The following WDFY3 variants were observed in gnomAD, a reference collection of about 807,000 sequenced individuals.
WDFY3 encodes WD repeat and FYVE domain-containing protein 3.
In WDFY3, 66 loss-of-function variants were observed where a neutral mutation model predicts 409.6. The observed-to-expected ratio is 0.16, with a 90% CI of 0.13 to 0.20. WDFY3 has a LOEUF of 0.20. Ranked by LOEUF, WDFY3 falls within the 10% of genes least tolerant of loss-of-function variation. WDFY3 has a pLI of 1.00. For missense variants in WDFY3, 3,031 were observed against 4,298.1 expected (o/e 0.71, Z 8.24); for synonymous variants, 1,521 against 1,537.1 (o/e 0.99, Z 0.25).
intron 10 of WDFY3, 145 bp downstream of exon 10, chr4:84,826,670 A>C: frequency 1.5e-6 from 1 of 677,318 alleles, no homozygotes; most frequent in Non-Finnish European, 2.1e-6. Context: ...GAAATACTTA[A>C]ACCATTAAAA....
At chr4:84,875,405 G>T (rs535264145) in intron 3 of WDFY3, among the ~76,000 whole-genome samples, 2 of 152,140 alleles carry the variant, frequency 1.3e-5, no homozygotes, top group Admixed American at 6.6e-5. Flanking sequence ...TGCTCTGGGT[G>T]AGTCAGTGAG....
chr4:84,850,940 T>TTTTTTTTTTTTTTTTTTTTTTG (rs1758893624), intron 4 of WDFY3, among the ~76,000 whole-genome samples: 1 of 65,246 alleles, frequency 1.5e-5, no homozygotes, highest in Non-Finnish European at 3.5e-5. Context: ...TTTTTTTTTT[T>TTTTTTTTTTTTTTTTTTTTTTG]TTTTTTTTTT....
At chr4:84,678,057 C>A in intron 66 of WDFY3, 111 bp downstream of exon 66, 1 of 714,102 alleles carries the variant, frequency 1.4e-6, no homozygotes, top group Non-Finnish European at 2.5e-6. Flanking sequence ...GAGCTACATA[C>A]GATAATACAA....
chr4:84,755,097 C>T (rs1021862419), intron 34 of WDFY3, among the ~76,000 whole-genome samples, 169 bp downstream of exon 34: 2 of 152,174 alleles, frequency 1.3e-5, no homozygotes, highest in Non-Finnish European at 2.9e-5. Context: ...TTAACAACTA[C>T]ACAGTCTGTT....
At chr4:84,827,014 T>C (rs1384036911) in intron 9 of WDFY3, 33 bp from the exon 10 acceptor site, 5 of 1,588,478 alleles carry the variant, frequency 3.1e-6, no homozygotes, top group Non-Finnish European at 4.3e-6. Flanking sequence ...GTATTTTTTT[T>C]CTCTTTGGTT....
At chr4:84,738,219 A>G (rs531615017) in intron 40 of WDFY3, among the ~76,000 whole-genome samples, 1 of 152,282 alleles carries the variant, frequency 6.6e-6, no homozygotes, top group Admixed American at 6.5e-5. Context: ...CTTTATCACT[A>G]AACATGTGGA....
chr4:84,804,437 T>TA (rs552259647), intron 15 of WDFY3, among the ~76,000 whole-genome samples: 32 of 152,084 alleles, frequency 2.1e-4, no homozygotes, highest in Middle Eastern at 3.4e-3. Flanking sequence ...TGCCGTGGTT[T>TA]AAAAAAAATA....
At chr4:84,817,157 G>C (rs1753419574) in intron 13 of WDFY3, among the ~76,000 whole-genome samples, 1 of 152,110 alleles carries the variant, frequency 6.6e-6, no homozygotes, top group Non-Finnish European at 1.5e-5. Context: ...TTTAATTTAA[G>C]AGTTCCAGTA....
intron 8 of WDFY3, among the ~76,000 whole-genome samples, chr4:84,830,789 C>A (rs548175693): frequency 5.3e-5 from 8 of 151,838 alleles, no homozygotes; most frequent in Non-Finnish European, 1.0e-4. Flanking sequence ...AAAAAAACTT[C>A]TTTTTTATTC....
In WDFY3 at chr4:84,772,872, T is replaced by A; in HGVS notation, c.4812A>T (p.Val1604=). The change falls in exon 30 of 68, where the codon GTA becomes GTT. Residue 1604 remains valine, a synonymous_variant. Coordinates refer to ENST00000295888, the MANE Select transcript of WDFY3 (RefSeq NM_014991.6). The part of the protein sequence containing the change: ...LPTFAVCEKF[V]VMEINNEEKL... ...TCTCTTCATTATTTATTTCCATTAC[T>A]ACAAATTTCTCACAAACCGCAAAGG... The A allele has an allele frequency of 1.9e-6, 3 of 1,611,508 alleles. No individual in the cohort carries two copies. The highest frequency in any genetic ancestry group is 2.5e-6 in the Non-Finnish European group (3 of 1,179,020).
rs1487903708 is a variant in WDFY3 at position 84,774,852 on chromosome 4, C to G, written c.4722G>C (p.Leu1574=). Residue 1574 remains leucine (L), a synonymous_variant, in exon 29 of 68, where the codon CTG becomes CTC. Transcript: ENST00000295888. ...AAISNVLSFL[L]QGFPSSNDLL... ...GATCATTGCTGCTAGGAAAACCTTGCAGTAAGAAGCTCAGGACATTACTAA... is the reference window on the plus strand; with the variant it reads ...GATCATTGCTGCTAGGAAAACCTTGGAGTAAGAAGCTCAGGACATTACTAA... 1 of 1,612,454 alleles carries G rather than the reference C, an allele frequency of 6.2e-7. No homozygotes were observed. Among genetic ancestry groups the G allele is most frequent in the Non-Finnish European group, 8.5e-7 (1 of 1,179,558 alleles).
intron 4 of WDFY3, among the ~76,000 whole-genome samples, chr4:84,854,707 G>A (rs1759507389): frequency 6.6e-6 from 1 of 152,108 alleles, no homozygotes; most frequent in South Asian, 2.1e-4. Flanking sequence ...GTCAGGCGTT[G>A]AGACCAGCCT....
chr4:84,937,324 T>A (rs916498254), intron 1 of WDFY3, among the ~76,000 whole-genome samples: 7 of 152,154 alleles, frequency 4.6e-5, no homozygotes, highest in African/African-American at 1.7e-4. Context: ...ATTGGTTTCA[T>A]CCTATCTCAT....
At chr4:84,773,756 T>C (rs1454381332) in intron 29 of WDFY3, among the ~76,000 whole-genome samples, 1 of 152,210 alleles carries the variant, frequency 6.6e-6, no homozygotes, top group African/African-American at 2.4e-5. Context: ...GTTTCACCCT[T>C]GTCACCCAGG....
Position 84,801,782 on chromosome 4 carries a change from T to G in WDFY3, c.2690A>C (p.Glu897Ala). ...HTERNQQVMC[E>A]AGLHARLLQR... ...CAGCAGTCGTGCATGAAGACCAGCT[T>G]CACACATGACTTGCTGGTTCCTTTC... The change falls in exon 17 of 68, where the codon GAA becomes GCA. Residue 897 changes from glutamate (E) to alanine (A), a missense_variant. By Grantham distance (107) the Glu-to-Ala change is moderately radical (BLOSUM62 -1). Around this residue, in one of 16 missense-constraint regions of WDFY3, gnomAD observed 1,322 missense variants for 1,697.9 expected, o/e 0.78. Coordinates refer to ENST00000295888, the MANE Select transcript of WDFY3 (RefSeq NM_014991.6). 1 of 1,614,144 alleles carries G rather than the reference T, an allele frequency of 6.2e-7. No homozygotes were observed. The highest frequency in any genetic ancestry group is 8.5e-7 in the Non-Finnish European group (1 of 1,180,024).
At chr4:84,695,533 G>C (rs1254916198) in intron 58 of WDFY3, among the ~76,000 whole-genome samples, 2 of 151,524 alleles carry the variant, frequency 1.3e-5, no homozygotes, top group South Asian at 4.2e-4. Context: ...GAGAGAGAGA[G>C]AGAGAGAGAG....
At chr4:84,806,273 A>G (rs1248784396) in intron 15 of WDFY3, among the ~76,000 whole-genome samples, 1 of 152,196 alleles carries the variant, frequency 6.6e-6, no homozygotes, top group African/African-American at 2.4e-5. Context: ...GATTCTTACC[A>G]TTGAGCAAAA....
At chr4:84,684,270 C>G (rs1727921519) in intron 62 of WDFY3, 145 bp from the exon 63 acceptor site, 1 of 714,916 alleles carries the variant, frequency 1.4e-6, no homozygotes, top group South Asian at 3.4e-5. Context: ...ACCTGAAATT[C>G]AGTGCTTGCT....
intron 1 of WDFY3, among the ~76,000 whole-genome samples, chr4:84,961,334 C>T (rs1046349538): frequency 2.6e-4 from 39 of 151,752 alleles, no homozygotes; most frequent in Non-Finnish European, 5.4e-4. Context: ...TTGGTGAAAT[C>T]CCATCAAAGC....
Sources: gnomAD v4.1 joint callset for allele counts (sites outside exome capture counted in the v4.1 genomes callset) on GRCh38, gnomAD v4.1.1 for gene constraint, gnomAD v4.1.1 regional missense constraint, MANE v1.5 for transcripts, NCBI Gene and HGNC (gene_info 2026-07-23, HGNC 2026-07-21) for gene names.